The following TTLL1 variants were observed in gnomAD, a reference collection of about 807,000 sequenced individuals.
TTLL1 encodes TTL family tubulin polyglutamylase complex subunit L1.
TTLL1 carries 33 observed loss-of-function variants against 47.8 expected under a neutral mutation model. That is an observed-to-expected ratio of 0.69 (90% confidence interval 0.52 to 0.92). TTLL1 has a LOEUF of 0.92. Among genes scored for constraint, TTLL1 ranks in the 40% least tolerant of loss-of-function variants. The pLI is 0.00. For missense variants in TTLL1, 488 were observed against 547.5 expected (o/e 0.89, Z 1.08); for synonymous variants, 225 against 214.1 (o/e 1.05, Z -0.45).
At chr22:43,077,994 G>C (rs762922642) in intron 2 of TTLL1, among the ~76,000 whole-genome samples, 3 of 151,822 alleles carry the variant, frequency 2.0e-5, no homozygotes, top group African/African-American at 7.3e-5. Flanking sequence ...AATAGTCCCA[G>C]CTACTTGGGA....
intron 8 of TTLL1, among the ~76,000 whole-genome samples, chr22:43,058,907 G>A (rs1390365858): frequency 6.6e-6 from 1 of 152,090 alleles, no homozygotes; most frequent in African/African-American, 2.4e-5. Flanking sequence ...TGTCCAGGCT[G>A]GTCTTGAACT....
chr22:43,044,629 C>A (rs1177343681), intron 10 of TTLL1, among the ~76,000 whole-genome samples: 1 of 152,186 alleles, frequency 6.6e-6, no homozygotes, highest in Non-Finnish European at 1.5e-5. Context: ...CTGCCGTCTG[C>A]TTCCCTCTCT....
chr22:43,063,007 G>C (rs377631175), intron 7 of TTLL1, among the ~76,000 whole-genome samples: 5 of 152,236 alleles, frequency 3.3e-5, no homozygotes, highest in African/African-American at 9.6e-5. Context: ...TGTACTCAAA[G>C]TAAAAAACCA....
rs112652173 is a variant in TTLL1, at chr22:43,047,759, G to A, written c.979-1186C>T. Among the ~76,000 whole-genome samples, 1,318 of 151,256 alleles carry A rather than the reference G, an allele frequency of 8.7e-3. 18 individuals carry two copies. The highest frequency in any genetic ancestry group is 0.03 in the African/African-American group (1,249 of 41,322). The stretch of plus-strand genomic sequence containing the variant: ...GCTGGGGTTACAGGCGTGAGCCACC[G>A]TGCCCGGCCAGTCACTACTTATTTA... On this transcript the variant is annotated intron_variant, in intron 9 of 10. Transcript: ENST00000266254.
intron 8 of TTLL1, among the ~76,000 whole-genome samples, chr22:43,058,607 T>C (rs1927180079): frequency 6.6e-6 from 1 of 152,188 alleles, no homozygotes; most frequent in Admixed American, 6.5e-5. Flanking sequence ...GGCACTGGGC[T>C]GCAAGCTAGC....
At chr22:43,061,205 A>G (rs1927369452) in intron 7 of TTLL1, among the ~76,000 whole-genome samples, 1 of 151,876 alleles carries the variant, frequency 6.6e-6, no homozygotes, top group Admixed American at 6.6e-5. Context: ...ACTAATAATC[A>G]TAAATACATA....
intron 8 of TTLL1, among the ~76,000 whole-genome samples, chr22:43,055,137 C>T (rs530052757): frequency 1.2e-4 from 18 of 151,404 alleles, no homozygotes; most frequent in Non-Finnish European, 2.2e-4. Flanking sequence ...GATTCTCCTG[C>T]GTCAGCCTCC....
At chr22:43,076,442 C>T (rs574376539) in intron 2 of TTLL1, among the ~76,000 whole-genome samples, 1 of 151,782 alleles carries the variant, frequency 6.6e-6, no homozygotes, top group Admixed American at 6.6e-5. Context: ...GGCGACAGAG[C>T]GAGACTCCAT....
intron 9 of TTLL1, among the ~76,000 whole-genome samples, chr22:43,047,073 T>C (rs748549657): frequency 7.2e-5 from 11 of 152,188 alleles, no homozygotes; most frequent in Admixed American, 2.6e-4. Flanking sequence ...ATATAAGTAA[T>C]ACTTAAAGGT....
chr22:43,071,887 G>C (rs1002293276), intron 3 of TTLL1, among the ~76,000 whole-genome samples: 13 of 152,236 alleles, frequency 8.5e-5, no homozygotes. Flanking sequence ...CTGGAGGCTG[G>C]AAGGTGGGCA....
chr22:43,085,140 C>T (rs1929151774), intron 1 of TTLL1, among the ~76,000 whole-genome samples: 1 of 151,260 alleles, frequency 6.6e-6, no homozygotes, highest in South Asian at 2.1e-4. Context: ...CCATGCCCGG[C>T]TAATTTTTTG....
intron 2 of TTLL1, 96 bp from the exon 3 acceptor site, chr22:43,075,686 C>G (rs1928442414): frequency 1.9e-6 from 2 of 1,043,508 alleles, no homozygotes; most frequent in Non-Finnish European, 3.0e-6. Flanking sequence ...ATCCCAAACT[C>G]GATCTTACCC....
At position 43,052,107 on chromosome 22, in the gene TTLL1, G is replaced by A. The variant is rs954732132; in HGVS notation, c.892-220C>T. 2.3e-5 allele frequency: 13 copies of A among 554,394 alleles called. No homozygotes were observed. In the East Asian group the frequency reaches 3.4e-4, roughly 15 times the overall value. The allele number at this position is 554,394 out of a possible 1,614,324, so 34.3% of individuals were successfully genotyped here. ...CCTGATAGAGGGAATTGATGAAGCCGTAATGGGCATCTCTGCGTCTCACTC... is the reference window on the plus strand; with the variant it reads ...CCTGATAGAGGGAATTGATGAAGCCATAATGGGCATCTCTGCGTCTCACTC... On this transcript the variant is annotated intron_variant, in intron 8 of 10. Coordinates refer to ENST00000266254, the MANE Select transcript of TTLL1 (RefSeq NM_012263.5).
chr22:43,046,377 GA>G (rs1208708979), intron 10 of TTLL1, 32 bp downstream of exon 10: 1 of 1,608,356 alleles, frequency 6.2e-7, no homozygotes, highest in Admixed American at 1.7e-5. Context: ...CGGAAACACA[GA>G]AGGACAAGCG....
At chr22:43,064,080 C>A in intron 6 of TTLL1, 110 bp downstream of exon 6, 1 of 1,528,634 alleles carries the variant, frequency 6.5e-7, no homozygotes. Context: ...CTGCCCCGTG[C>A]CAGGCACCGC....
At position 43,063,865 on chromosome 22, in the gene TTLL1, T is replaced by C; in HGVS notation, c.695A>G (p.Glu232Gly). The change falls in exon 7 of 11, where the codon GAG becomes GGG. Residue 232 changes from glutamate (E) to glycine (G), a missense_variant. By Grantham distance (98) the Glu-to-Gly change is moderately conservative. Coordinates refer to ENST00000266254, the MANE Select transcript of TTLL1 (RefSeq NM_012263.5). ...CTVKYTPSTS[E>G]LDNMFVHLTN... ...GAGATGAACGAACATGTTGTCCAGC[T>C]CACTGGTACTCGGGGTGTATTTCAC... is the stretch of plus-strand genomic sequence containing the variant. 2 of 1,614,106 alleles carry C rather than the reference T, an allele frequency of 1.2e-6. No homozygotes were observed. Among genetic ancestry groups the C allele is most frequent in the Non-Finnish European group, 8.5e-7 (1 of 1,179,988 alleles).
intron 1 of TTLL1, among the ~76,000 whole-genome samples, chr22:43,087,829 G>A (rs528765780): frequency 8.8e-6 from 1 of 113,152 alleles, no homozygotes; most frequent in African/African-American, 4.1e-5. Context: ...GACAGAGTGA[G>A]ACGGTCTCAA....
At chr22:43,051,070 C>T (rs1281403837) in intron 9 of TTLL1, among the ~76,000 whole-genome samples, 1 of 152,206 alleles carries the variant, frequency 6.6e-6, no homozygotes, top group Non-Finnish European at 1.5e-5. Flanking sequence ...ATGAAGGGCC[C>T]AAGCCATCCA....
intron 3 of TTLL1, among the ~76,000 whole-genome samples, chr22:43,073,078 G>A (rs1308339362): frequency 4.0e-5 from 6 of 151,196 alleles, no homozygotes; most frequent in Non-Finnish European, 7.4e-5. Flanking sequence ...GCAGTGGTGC[G>A]ATCTTAGCTA....
Sources: gnomAD v4.1 joint callset for allele counts (sites outside exome capture counted in the v4.1 genomes callset) on GRCh38, gnomAD v4.1.1 for gene constraint, MANE v1.5 for transcripts, NCBI Gene and HGNC (gene_info 2026-07-23, HGNC 2026-07-21) for gene names.